Variants in HOOK3 observed in about 807,000 individuals in gnomAD.
HOOK3 encodes hook microtubule tethering protein 3.
A neutral mutation model predicts 116.3 loss-of-function variants in HOOK3; 24 were observed. That is an observed-to-expected ratio of 0.21 (90% CI 0.15 to 0.29). The LOEUF is 0.29. Among genes scored for constraint, HOOK3 ranks in the 10% least tolerant of loss-of-function variants. HOOK3 has a pLI of 1.00. For synonymous variants in HOOK3, 275 were observed against 283.0 expected (o/e 0.97, Z 0.28); for missense variants, 632 against 830.2 (o/e 0.76, Z 2.93).
chr8:42,911,303 T>C (rs1383889903), intron 2 of HOOK3, among the ~76,000 whole-genome samples: 2 of 151,968 alleles, frequency 1.3e-5, no homozygotes, highest in African/African-American at 4.8e-5. Context: ...GTACAAAAAT[T>C]AGCCAGGCAT....
intron 9 of HOOK3, among the ~76,000 whole-genome samples, chr8:42,965,698 TA>T (rs537251902): frequency 1.1e-3 from 174 of 152,326 alleles, no homozygotes; most frequent in African/African-American, 4.0e-3. Context: ...CTGAGTGTGG[TA>T]ACATAACTAT....
chr8:42,923,099 C>T (rs1018547750), intron 2 of HOOK3, among the ~76,000 whole-genome samples: 2 of 152,168 alleles, frequency 1.3e-5, no homozygotes, highest in Admixed American at 1.3e-4. Context: ...CCAATAAGCA[C>T]ATGTGAAGAT....
At chr8:42,962,796 C>CTTCTTTTTTTT (rs1554512590) in intron 8 of HOOK3, among the ~76,000 whole-genome samples, 24 of 99,344 alleles carry the variant, frequency 2.4e-4, no homozygotes, top group African/African-American at 7.0e-4. Flanking sequence ...ACTTCTTCTT[C>CTTCTTTTTTTT]TTTTTTTTTT....
At chr8:42,920,352 T>A (rs1807632899) in intron 2 of HOOK3, among the ~76,000 whole-genome samples, 1 of 152,230 alleles carries the variant, frequency 6.6e-6, no homozygotes, top group South Asian at 2.1e-4. Flanking sequence ...CAATGGAAGC[T>A]ACGGTTAAAT....
intron 6 of HOOK3, among the ~76,000 whole-genome samples, chr8:42,956,422 A>G (rs1422963441): frequency 2.0e-5 from 3 of 152,132 alleles, no homozygotes; most frequent in Admixed American, 1.3e-4. Context: ...TGTGATAAGA[A>G]TAAGTAATAC....
intron 2 of HOOK3, among the ~76,000 whole-genome samples, chr8:42,921,668 A>G (rs1341012893): frequency 6.6e-5 from 10 of 152,172 alleles, no homozygotes. Context: ...CCAGGAATGA[A>G]AAAGAGACTC....
intron 4 of HOOK3, among the ~76,000 whole-genome samples, chr8:42,934,292 TTA>T (rs2130370117): frequency 6.6e-6 from 1 of 152,286 alleles, no homozygotes; most frequent in East Asian, 1.9e-4. Context: ...CAAGAGCGCT[TTA>T]TGTTTTCTGA....
intron 4 of HOOK3, among the ~76,000 whole-genome samples, chr8:42,939,045 A>G (rs1055401502): frequency 6.6e-6 from 1 of 152,192 alleles, no homozygotes; most frequent in African/African-American, 2.4e-5. Flanking sequence ...AAGGTCACAG[A>G]TCAACAGGAT....
chr8:42,898,861 C>G (rs1447903497), intron 1 of HOOK3, among the ~76,000 whole-genome samples: 1 of 152,226 alleles, frequency 6.6e-6, no homozygotes, highest in Non-Finnish European at 1.5e-5. Flanking sequence ...CTTGGTCTAC[C>G]TTAAACGTGC....
At chr8:42,988,071 GAGAT>G (rs1586623439) in intron 15 of HOOK3, among the ~76,000 whole-genome samples, 1 of 152,242 alleles carries the variant, frequency 6.6e-6, no homozygotes, top group Non-Finnish European at 1.5e-5. Context: ...TAAAGCTACT[GAGAT>G]AGAATCAACA....
At chr8:42,915,427 GTTATTA>G (rs535927325) in intron 2 of HOOK3, among the ~76,000 whole-genome samples, 3 of 152,028 alleles carry the variant, frequency 2.0e-5, no homozygotes, top group East Asian at 1.9e-4. Context: ...GATATTGCCT[GTTATTA>G]TTATTATTAT....
intron 15 of HOOK3, among the ~76,000 whole-genome samples, chr8:42,992,261 G>T (rs1809177795): frequency 6.7e-6 from 1 of 149,702 alleles, no homozygotes; most frequent in South Asian, 2.1e-4. Flanking sequence ...TTAGCTAGGC[G>T]TGGTGGTGAG....
intron 4 of HOOK3, among the ~76,000 whole-genome samples, chr8:42,941,244 A>G (rs1308101496): frequency 6.8e-6 from 1 of 147,560 alleles, no homozygotes; most frequent in East Asian, 2.2e-4. Flanking sequence ...GGCTGGGCGC[A>G]GTGGCTCACA....
chr8:42,928,682 C>G (rs1044130559), intron 3 of HOOK3, among the ~76,000 whole-genome samples: 6 of 152,072 alleles, frequency 3.9e-5, no homozygotes, highest in Non-Finnish European at 8.8e-5. Context: ...TCTTAATATT[C>G]AGGACTGAAC....
intron 1 of HOOK3, among the ~76,000 whole-genome samples, chr8:42,903,850 G>T (rs1274783682): frequency 2.0e-5 from 3 of 151,814 alleles, no homozygotes; most frequent in African/African-American, 7.3e-5. Flanking sequence ...CAGCTACTCG[G>T]GGGGCTGAGG....
intron 7 of HOOK3, among the ~76,000 whole-genome samples, chr8:42,957,468 T>C (rs923583755): frequency 6.6e-6 from 1 of 152,294 alleles, no homozygotes; most frequent in Admixed American, 6.5e-5. Context: ...GTTAGTGATA[T>C]CAGTGTGCCA....
At position 42,943,419 on chromosome 8, in the gene HOOK3, G is replaced by A. The variant is rs1292094225; in HGVS notation, c.374G>A (p.Cys125Tyr). 1 of 1,544,358 alleles carries A rather than the reference G, an allele frequency of 6.5e-7. No homozygotes were observed. The highest frequency in any genetic ancestry group is 2.0e-5 in the Admixed American group (1 of 50,712). Residue 125 changes from cysteine (C) to tyrosine (Y), a missense_variant, in exon 5 of 22, where the codon TGT becomes TAT. This residue lies in a region of HOOK3 where 141 missense variants were observed against 150.8 expected (regional missense o/e 0.93). Transcript: ENST00000307602. Reference protein sequence around the residue: ...LGRMLQLILGCAVNCEQKQEY... With the variant: ...LGRMLQLILGYAVNCEQKQEY... ...AGGATGCTTCAGCTCATCTTAGGCT[G>A]TGCTGTGAACTGTGAACAGAAGCAA...
rs938576998 is a variant in HOOK3 at position 42,958,384 on chromosome 8, AT to A, written c.532-839del. Reference sequence around the variant, plus strand: ...AGACAATAAAATTTTCTTTTAATCAATTTTTTTTCATACTTTGCTAATTTAG... The same window carrying A: ...AGACAATAAAATTTTCTTTTAATCAATTTTTTTCATACTTTGCTAATTTAG... On this transcript the variant is annotated intron_variant, in intron 7 of 21. Transcript: ENST00000307602. 7.3e-5 allele frequency among the ~76,000 whole-genome samples: 11 copies of A among 151,568 alleles called. No individual in the cohort carries two copies. In the South Asian group the frequency reaches 8.3e-4, roughly 11 times the overall value.
rs577549382 is a variant in HOOK3 at position 43,020,313 on chromosome 8, G to T, written c.*1815G>T. On this transcript the variant is annotated 3_prime_UTR_variant, in exon 22 of 22. Coordinates refer to ENST00000307602, the MANE Select transcript of HOOK3 (RefSeq NM_032410.4). ...CTGCTGTAGGGCTTCAGGAGGCTAC[G>T]CAGACCTGATCAACTGCAAAGTTTC... 1.0e-5 allele frequency: 2 copies of T among 199,320 alleles called. No homozygotes were observed. Among genetic ancestry groups the T allele is most frequent in the Non-Finnish European group, 2.1e-5 (2 of 96,600 alleles). 12.3% of individuals were successfully genotyped at this position (199,320 alleles called of 1,614,324 possible).
Sources: gnomAD v4.1 joint callset for allele counts (sites outside exome capture counted in the v4.1 genomes callset) on GRCh38, gnomAD v4.1.1 for gene constraint, gnomAD v4.1.1 regional missense constraint, MANE v1.5 for transcripts, NCBI Gene and HGNC (gene_info 2026-07-23, HGNC 2026-07-21) for gene names.